The following VPS16 variants were observed in gnomAD, a reference collection of about 807,000 sequenced individuals.
VPS16 encodes the protein VPS16 core subunit of CORVET and HOPS complexes.
A neutral mutation model predicts 116.0 loss-of-function variants in VPS16; 82 were observed. That is an observed-to-expected ratio of 0.71 (90% CI 0.59 to 0.85). VPS16 has a LOEUF of 0.85. Ranked by LOEUF, VPS16 falls within the 40% of genes least tolerant of loss-of-function variation. VPS16 has a pLI of 0.00. For synonymous variants in VPS16, 406 were observed against 420.7 expected (o/e 0.96, Z 0.43); for missense variants, 928 against 1,090.6 (o/e 0.85, Z 2.10).
chr20:2,844,957 C>T (rs1444642242), intron 1 of VPS16, among the ~76,000 whole-genome samples: 1 of 150,780 alleles, frequency 6.6e-6, no homozygotes, highest in Non-Finnish European at 1.5e-5. Flanking sequence ...CGATGGGAAG[C>T]CTCAATTAAA....
In VPS16 at chr20:2,860,900, G is replaced by A. The variant is rs780183268; in HGVS notation, c.630+37G>A. ...GAGTGGGAATGAAGTGGACGGGCTG[G>A]GTTAGGCAATAGGGAGGTTCTGAAA... is the stretch of plus-strand genomic sequence containing the variant. On this transcript the variant is annotated intron_variant, in intron 6 of 23. Transcript: ENST00000380445. This position sits in a 1 kb window ranked among gnomAD's most constrained non-coding sequence, Gnocchi z 6.1. The A allele has an allele frequency of 5.0e-6, 8 of 1,614,086 alleles. No homozygotes were observed. Among genetic ancestry groups the A allele is most frequent in the Middle Eastern group, 1.6e-4 (1 of 6,062 alleles).
chr20:2,864,370 A>G lies in VPS16; in HGVS notation c.1726A>G (p.Thr576Ala), dbSNP rs751834270. 3 of 1,614,064 alleles carry G rather than the reference A, an allele frequency of 1.9e-6. No homozygotes were observed. Among genetic ancestry groups the G allele is most frequent in the African/African-American group, 1.3e-5 (1 of 74,920 alleles). ...TCCACCTTACTCTCCTGCAGTGTTC[A>G]CGGTGTTGCTGCACCTGAAGAACGA... ...IESGDTDLVF[T>A]VLLHLKNELN... Residue 576 changes from threonine to alanine, a missense_variant, in exon 18 of 24, where the codon ACG (threonine) becomes GCG (alanine). Thr to Ala is a moderately conservative substitution (Grantham distance 58). Transcript: ENST00000380445. This position sits in a 1 kb window ranked among gnomAD's most constrained non-coding sequence, Gnocchi z 5.2.
chr20:2,860,334 T>C lies in VPS16; in HGVS notation c.336T>C (p.His112=), dbSNP rs779232937. 2 of 1,613,954 alleles carry C rather than the reference T, an allele frequency of 1.2e-6. No individual in the cohort carries two copies. Among genetic ancestry groups the C allele is most frequent in the Admixed American group, 1.7e-5 (1 of 59,994 alleles). The part of the protein sequence containing the change: ...EDGAVLVYGL[H]GDFRRHFSMG... ...GTGCTGTACTGGTTTATGGGCTTCATGGTGACTTCCGGAGACACTTCAGCA... is the reference window on the plus strand; with the variant it reads ...GTGCTGTACTGGTTTATGGGCTTCACGGTGACTTCCGGAGACACTTCAGCA... The change falls in exon 4 of 24, where the codon CAT becomes CAC. Residue 112 remains histidine (H), a synonymous_variant. Coordinates refer to ENST00000380445, the MANE Select transcript of VPS16 (RefSeq NM_022575.4). This position sits in a 1 kb window ranked among gnomAD's most constrained non-coding sequence, Gnocchi z 6.1.
Position 2,863,206 on chromosome 20 carries a change from A to T in VPS16, c.1368-84A>T. The T allele has an allele frequency of 6.2e-7, 1 of 1,609,586 alleles. No homozygotes were observed. The highest frequency in any genetic ancestry group is 2.2e-5 in the East Asian group (1 of 44,838). ...GCTCCTGACCTATCTAGGATGTGGG[A>T]GGCCTGATGTGCAGGCTGAGGCCAC... On this transcript the variant is annotated intron_variant, in intron 14 of 23. Transcript: ENST00000380445. This position sits in a 1 kb window ranked among gnomAD's most constrained non-coding sequence, Gnocchi z 4.4.
Position 2,866,429 on chromosome 20 carries a change from G to A in VPS16, c.2376-1G>A. ...CACCTCCTCTCTTGCTCAAACCACA[G>A]CGATGTGGCTCAGGCTGCAGATGTG... is the stretch of plus-strand genomic sequence containing the variant. On this transcript the variant is annotated splice_acceptor_variant, in intron 23 of 23. Transcript: ENST00000380445. LOFTEE classifies it high-confidence loss of function. 1 of 1,614,192 alleles carries A rather than the reference G, an allele frequency of 6.2e-7. No homozygotes were observed. Among genetic ancestry groups the A allele is most frequent in the African/African-American group, 1.3e-5 (1 of 75,052 alleles).
chr20:2,850,949 G>C, intron 1 of VPS16, among the ~76,000 whole-genome samples: 1 of 130,838 alleles, frequency 7.6e-6, no homozygotes, highest in East Asian at 2.3e-4. Context: ...GTAGCTGGGC[G>C]ATAGAGTAAG....
At position 2,860,745 on chromosome 20, in the gene VPS16, T is replaced by C. The variant is rs1487675887; in HGVS notation, c.515-3T>C. 1.9e-6 allele frequency: 3 copies of C among 1,613,692 alleles called. No homozygotes were observed. The highest frequency in any genetic ancestry group is 2.7e-5 in the African/African-American group (2 of 74,926). On this transcript the variant is annotated splice_region_variant and splice_polypyrimidine_tract_variant and intron_variant, in intron 5 of 23. Coordinates refer to ENST00000380445, the MANE Select transcript of VPS16 (RefSeq NM_022575.4). The surrounding 1 kb of genome is among the most constrained non-coding windows in gnomAD (Gnocchi z 6.1). ...CTAACACTGTCCTTTTCCCTGGCCATAGGTCTGCAAAGTGCACCCTCCTGC... is the reference window on the plus strand; with the variant it reads ...CTAACACTGTCCTTTTCCCTGGCCACAGGTCTGCAAAGTGCACCCTCCTGC...
chr20:2,851,718 C>G (rs1191071763), intron 1 of VPS16, among the ~76,000 whole-genome samples: 2 of 151,168 alleles, frequency 1.3e-5, no homozygotes, highest in African/African-American at 2.4e-5. Context: ...ACCTGTAATC[C>G]CAACACTTTG....
intron 1 of VPS16, among the ~76,000 whole-genome samples, chr20:2,853,410 A>C (rs8121858): frequency 0.048 from 2,105 of 44,152 alleles, 31 homozygotes; most frequent in African/African-American, 0.29. Flanking sequence ...ACAACAACAA[A>C]AAAAAAAAAC....
chr20:2,865,456 G>A lies in VPS16; in HGVS notation c.2232G>A (p.Glu744=), dbSNP rs1328372520. Reference sequence around the variant, plus strand: ...ATTTGGAAGATTGGGAAGAGCTAGAGAAGTTTTCCAAGAGCAAGAAATCAC... The same window carrying A: ...ATTTGGAAGATTGGGAAGAGCTAGAAAAGTTTTCCAAGAGCAAGAAATCAC... ...LADLEDWEEL[E]KFSKSKKSPI... is the part of the protein sequence containing the mutation. Residue 744 remains glutamate, a synonymous_variant, in exon 22 of 24, where the codon GAG becomes GAA. Coordinates refer to ENST00000380445, the MANE Select transcript of VPS16 (RefSeq NM_022575.4). This position sits in a 1 kb window ranked among gnomAD's most constrained non-coding sequence, Gnocchi z 5.2. 14 of 1,614,010 alleles carry A rather than the reference G, an allele frequency of 8.7e-6. No individual in the cohort carries two copies. The African/African-American group carries it at 1.2e-4, about 14-fold the overall frequency.
At chr20:2,854,720 CG>C (rs2089154747) in intron 1 of VPS16, among the ~76,000 whole-genome samples, 1 of 148,926 alleles carries the variant, frequency 6.7e-6, no homozygotes, top group Admixed American at 6.8e-5. Flanking sequence ...TGCTTGAACC[CG>C]GGAGGTGGAG....
At chr20:2,857,947 G>A (rs1341298768) in intron 1 of VPS16, among the ~76,000 whole-genome samples, 1 of 152,120 alleles carries the variant, frequency 6.6e-6, no homozygotes, top group Admixed American at 6.5e-5. Flanking sequence ...CTGACTTCAA[G>A]TGATCTGCCC....
Position 2,863,819 on chromosome 20 carries a change from A to AAGAG in VPS16, c.1477-126_1477-123dup, listed in dbSNP as rs750546846. 1.1e-6 allele frequency: 1 copy of AAGAG among 937,820 alleles called. No individual in the cohort carries two copies. Among genetic ancestry groups the AAGAG allele is most frequent in the South Asian group, 1.9e-5 (1 of 52,878 alleles). The allele number at this position is 937,820 out of a possible 1,614,324, so 58.1% of individuals were successfully genotyped here. On this transcript the variant is annotated intron_variant, in intron 15 of 23. Coordinates refer to ENST00000380445, the MANE Select transcript of VPS16 (RefSeq NM_022575.4). The surrounding 1 kb of genome is among the most constrained non-coding windows in gnomAD (Gnocchi z 4.4). Reference sequence around the variant, plus strand: ...AGGAGGGAAAGAGAGAGAAAGAAGAAAGAGAGAAAGAAAGAAAGAAGAAGG... The same window carrying AAGAG: ...AGGAGGGAAAGAGAGAGAAAGAAGAAAGAGAGAGAGAAAGAAAGAAAGAAGAAGG...
chr20:2,841,361 C>T (rs567836816), intron 1 of VPS16, among the ~76,000 whole-genome samples: 82 of 152,314 alleles, frequency 5.4e-4, no homozygotes, highest in African/African-American at 1.9e-3. Context: ...TACATCGTTA[C>T]CCAGATTAGG....
At chr20:2,849,285 A>G (rs910135653) in intron 1 of VPS16, among the ~76,000 whole-genome samples, 4 of 151,114 alleles carry the variant, frequency 2.6e-5, no homozygotes, top group African/African-American at 9.8e-5. Flanking sequence ...CTATGTGGCT[A>G]CAAGGAATAA....
At chr20:2,852,042 G>T (rs1392179888) in intron 1 of VPS16, among the ~76,000 whole-genome samples, 1 of 152,224 alleles carries the variant, frequency 6.6e-6, no homozygotes, top group Non-Finnish European at 1.5e-5. Flanking sequence ...GCAGGATGCA[G>T]CCAGTGGCCA....
chr20:2,863,129 G>A lies in VPS16; in HGVS notation c.1367+29G>A, dbSNP rs555210486. The A allele has an allele frequency of 3.5e-5, 56 of 1,613,640 alleles. No homozygotes were observed. The Admixed American group carries it at 5.3e-4, about 15-fold the overall frequency. ...GGGTAAGCCCAAGGGTGCAGTGAGC[G>A]GGCTGTCAGGGGGGTGGGCATTACA... On this transcript the variant is annotated intron_variant, in intron 14 of 23. Coordinates refer to ENST00000380445, the MANE Select transcript of VPS16 (RefSeq NM_022575.4). This position sits in a 1 kb window ranked among gnomAD's most constrained non-coding sequence, Gnocchi z 4.4.
intron 1 of VPS16, among the ~76,000 whole-genome samples, chr20:2,845,563 T>C (rs933100718): frequency 5.3e-5 from 8 of 151,916 alleles, no homozygotes; most frequent in African/African-American, 1.9e-4. Context: ...CACGCACATG[T>C]AATCCCAGCA....
intron 1 of VPS16, among the ~76,000 whole-genome samples, chr20:2,844,154 G>A (rs568727046): frequency 5.3e-5 from 8 of 152,260 alleles, no homozygotes; most frequent in Middle Eastern, 3.4e-3. Flanking sequence ...AGGTTAACAG[G>A]AAAATATAAG....
Sources: gnomAD v4.1 joint callset for allele counts (sites outside exome capture counted in the v4.1 genomes callset) on GRCh38, gnomAD v4.1.1 for gene constraint, Gnocchi (gnomAD v3.1) non-coding constraint, MANE v1.5 for transcripts, NCBI Gene and HGNC (gene_info 2026-07-23, HGNC 2026-07-21) for gene names.